CLEC16A: variants seen among roughly 807,000 people sequenced by gnomAD.
CLEC16A encodes C-type lectin domain containing 16A, also known as protein CLEC16A.
In CLEC16A, 51 loss-of-function variants were observed where a neutral mutation model predicts 109.5. That is an observed-to-expected ratio of 0.47 (90% CI 0.37 to 0.59). The LOEUF is 0.59. CLEC16A is among the 20% of genes least tolerant of loss of function. The pLI, the probability that CLEC16A is intolerant of heterozygous loss-of-function variation, is 0.00. For synonymous variants in CLEC16A, 673 were observed against 564.2 expected, an observed-to-expected ratio of 1.19 and a Z score of -2.73; for missense variants, 1,339 against 1,394.0, an observed-to-expected ratio of 0.96 and a Z score of 0.63.
chr16:11,123,612 C>G, intron 20 of CLEC16A, 130 bp from the exon 21 acceptor site: 1 of 843,742 alleles, frequency 1.2e-6, no homozygotes, highest in Non-Finnish European at 1.9e-6. Context: ...ACTTGGGAGG[C>G]TGTCGATCTT....
At chr16:10,993,699 C>T (rs1329705488) in intron 10 of CLEC16A, among the ~76,000 whole-genome samples, 1 of 152,222 alleles carries the variant, frequency 6.6e-6, no homozygotes, top group Non-Finnish European at 1.5e-5. Flanking sequence ...GTAAAATACT[C>T]TTTCCAAAGA....
intron 10 of CLEC16A, among the ~76,000 whole-genome samples, chr16:10,997,425 A>G (rs2044395043): frequency 6.6e-6 from 1 of 152,214 alleles, no homozygotes; most frequent in Non-Finnish European, 1.5e-5. Context: ...GCCCCTCCTC[A>G]GTTTGTAACC....
At chr16:11,037,014 C>A (rs556695555) in intron 13 of CLEC16A, among the ~76,000 whole-genome samples, 1 of 152,328 alleles carries the variant, frequency 6.6e-6, no homozygotes, top group East Asian at 1.9e-4. Context: ...CTCTTTCGAT[C>A]CTGACAGCAG....
At chr16:11,099,331 G>A (rs2050777563) in intron 19 of CLEC16A, among the ~76,000 whole-genome samples, 1 of 152,216 alleles carries the variant, frequency 6.6e-6, no homozygotes, top group Admixed American at 6.5e-5. Flanking sequence ...GCCACTTGTG[G>A]CTGTCTAAAT....
chr16:11,022,337 CTTTTTT>C (rs36094157), intron 12 of CLEC16A, among the ~76,000 whole-genome samples: 32 of 93,476 alleles, frequency 3.4e-4, no homozygotes, highest in Admixed American at 3.3e-3. Context: ...GTCTGGCTAC[CTTTTTT>C]TTTTTTTTTT....
At chr16:10,994,711 A>G (rs1016815875) in intron 10 of CLEC16A, among the ~76,000 whole-genome samples, 3 of 152,216 alleles carry the variant, frequency 2.0e-5, no homozygotes, top group African/African-American at 7.2e-5. Flanking sequence ...CTCAAAAAAA[A>G]AAGTGAAAAG....
At chr16:11,088,400 A>T (rs1389928526) in intron 19 of CLEC16A, among the ~76,000 whole-genome samples, 2 of 152,154 alleles carry the variant, frequency 1.3e-5, no homozygotes, top group Non-Finnish European at 2.9e-5. Flanking sequence ...GCTGTGGCTG[A>T]TGCTTCCGGG....
chr16:11,023,508 T>C (rs1488020137), intron 12 of CLEC16A, among the ~76,000 whole-genome samples: 1 of 152,048 alleles, frequency 6.6e-6, no homozygotes, highest in African/African-American at 2.4e-5. Context: ...TGTGGAGAAA[T>C]GGGGATGGAA....
chr16:10,946,654 T>C (rs910722227), intron 1 of CLEC16A, among the ~76,000 whole-genome samples: 1 of 152,160 alleles, frequency 6.6e-6, no homozygotes, highest in Non-Finnish European at 1.5e-5. Context: ...TCCAGGTACC[T>C]CCAGGTTCTC....
At chr16:11,144,098 C>T (rs935439455) in intron 22 of CLEC16A, among the ~76,000 whole-genome samples, 7 of 152,196 alleles carry the variant, frequency 4.6e-5, no homozygotes, top group Non-Finnish European at 2.9e-5. Context: ...CTAGCCCTGT[C>T]GCTCGGCACT....
intron 11 of CLEC16A, among the ~76,000 whole-genome samples, chr16:11,008,118 G>T (rs2045149895): frequency 6.6e-6 from 1 of 152,144 alleles, no homozygotes; most frequent in African/African-American, 2.4e-5. Context: ...TTGAAATTCT[G>T]CTAAAAAGCC....
intron 20 of CLEC16A, among the ~76,000 whole-genome samples, chr16:11,121,782 A>C (rs2052429121): frequency 6.9e-6 from 1 of 145,888 alleles, no homozygotes; most frequent in South Asian, 2.2e-4. Context: ...CAGGAGGCTG[A>C]GGCACGAGAA....
chr16:11,119,157 G>A (rs565604368), intron 19 of CLEC16A, among the ~76,000 whole-genome samples: 41 of 152,074 alleles, frequency 2.7e-4, no homozygotes, highest in Non-Finnish European at 5.1e-4. Flanking sequence ...ACACCACCAC[G>A]CTCAGCTAAT....
At chr16:11,057,341 C>T (rs552275440) in intron 18 of CLEC16A, among the ~76,000 whole-genome samples, 2 of 152,232 alleles carry the variant, frequency 1.3e-5, no homozygotes, top group South Asian at 4.1e-4. Flanking sequence ...CAGGCCAGCT[C>T]GTGGGCTCAG....
intron 5 of CLEC16A, 58 bp from the exon 6 acceptor site, chr16:10,972,496 A>T (rs373770001): frequency 2.6e-6 from 4 of 1,564,696 alleles, no homozygotes; most frequent in South Asian, 1.1e-5. Context: ...TAACCCTGTT[A>T]ACTGTTGTCT....
At chr16:11,133,600 G>A (rs1393226040) in intron 22 of CLEC16A, among the ~76,000 whole-genome samples, 1 of 152,150 alleles carries the variant, frequency 6.6e-6, no homozygotes, top group African/African-American at 2.4e-5. Flanking sequence ...ATCCAAAAAG[G>A]CAAAAAGAAA....
In CLEC16A at chr16:11,051,559, T is replaced by C; in HGVS notation, c.1913T>C (p.Leu638Pro). 1 of 1,614,060 alleles carries C rather than the reference T, an allele frequency of 6.2e-7. No individual in the cohort carries two copies. Among genetic ancestry groups the C allele is most frequent in the Non-Finnish European group, 8.5e-7 (1 of 1,179,894 alleles). Reference sequence around the variant, plus strand: ...TATCTCATGATGGACGCCTCCATCCTGCTGCCCCCAACAGGCACGCCACTG... The same window carrying C: ...TATCTCATGATGGACGCCTCCATCCCGCTGCCCCCAACAGGCACGCCACTG... ...VEYLMMDASI[L>P]LPPTGTPLTG... The change falls in exon 18 of 24, where the codon CTG (leucine) becomes CCG (proline). Residue 638 changes from leucine to proline, a missense_variant. By Grantham distance (98) the Leu-to-Pro change is moderately conservative. Transcript: ENST00000409790.
At chr16:10,957,158 G>C (rs78118927) in intron 1 of CLEC16A, among the ~76,000 whole-genome samples, 93 of 152,312 alleles carry the variant, frequency 6.1e-4, no homozygotes, top group Non-Finnish European at 1.0e-3. Context: ...TTGCCCTTGG[G>C]CTGCAAACCA....
chr16:10,969,704 A>G (rs1427445885), intron 4 of CLEC16A, among the ~76,000 whole-genome samples: 1 of 152,144 alleles, frequency 6.6e-6, no homozygotes, highest in African/African-American at 2.4e-5. Context: ...TATACTTGGT[A>G]GAGAGGAGAC....
Sources: allele counts gnomAD v4.1 joint callset (sites outside exome capture counted in the v4.1 genomes callset), GRCh38; gene constraint gnomAD v4.1.1; transcripts MANE v1.5; gene names NCBI Gene and HGNC (gene_info 2026-07-23, HGNC 2026-07-21).